Variants in MTUS1 observed in about 807,000 individuals in gnomAD.
MTUS1 encodes the protein microtubule-associated tumor suppressor 1.
MTUS1 carries 109 observed loss-of-function variants against 120.8 expected under a neutral mutation model. The observed-to-expected ratio is 0.90, with a 90% CI of 0.77 to 1.06. MTUS1 has a LOEUF of 1.06. Ranked by LOEUF, MTUS1 falls within the 50% of genes least tolerant of loss-of-function variation. The pLI, the probability that MTUS1 is intolerant of heterozygous loss-of-function variation, is 0.00. For synonymous variants in MTUS1, 737 were observed against 550.5 expected (o/e 1.34, Z -4.74); for missense variants, 2,210 against 1,486.3 (o/e 1.49, Z -8.01).
intron 6 of MTUS1, among the ~76,000 whole-genome samples, chr8:17,684,795 G>A (rs1032803245): frequency 1.3e-5 from 2 of 152,144 alleles, no homozygotes; most frequent in African/African-American, 2.4e-5. Flanking sequence ...GACACAAATG[G>A]ATTTGGCAAC....
At chr8:17,697,586 A>G in intron 6 of MTUS1, 1 of 1,335,678 alleles carries the variant, frequency 7.5e-7, no homozygotes, top group Non-Finnish European at 9.6e-7. Flanking sequence ...TTTCACTTTC[A>G]GATGTTGCCA....
At chr8:17,663,234 T>C (rs1208632460) in intron 8 of MTUS1, among the ~76,000 whole-genome samples, 2 of 152,212 alleles carry the variant, frequency 1.3e-5, no homozygotes, top group Non-Finnish European at 2.9e-5. Context: ...GAGCCATTAC[T>C]TAATTAGTCC....
intron 1 of MTUS1, among the ~76,000 whole-genome samples, chr8:17,780,372 T>G (rs2050780594): frequency 6.6e-6 from 1 of 152,200 alleles, no homozygotes; most frequent in African/African-American, 2.4e-5. Context: ...TCTTTATACA[T>G]TACCCAGCCT....
chr8:17,683,405 C>A (rs1279992726), intron 7 of MTUS1, among the ~76,000 whole-genome samples: 1 of 152,206 alleles, frequency 6.6e-6, no homozygotes, highest in Non-Finnish European at 1.5e-5. Context: ...CTGTATGAAA[C>A]CAGGACAGGT....
chr8:17,799,028 T>C (rs2052474593), intron 1 of MTUS1, among the ~76,000 whole-genome samples: 1 of 151,876 alleles, frequency 6.6e-6, no homozygotes, highest in South Asian at 2.1e-4. Context: ...TTTTTTTTTT[T>C]TCCCTTTAAG....
At chr8:17,647,400 C>A in intron 13 of MTUS1, 1 of 219,396 alleles carries the variant, frequency 4.6e-6, no homozygotes, top group Non-Finnish European at 8.9e-6. Context: ...ATAAACCCTG[C>A]AGACACACTG....
intron 1 of MTUS1, among the ~76,000 whole-genome samples, chr8:17,793,799 G>C (rs537723638): frequency 1.3e-5 from 2 of 152,104 alleles, no homozygotes; most frequent in African/African-American, 4.8e-5. Flanking sequence ...TACAACCTAC[G>C]TGACCAAACT....
chr8:17,667,863 ATTGT>A (rs1046936338), intron 8 of MTUS1, among the ~76,000 whole-genome samples: 4 of 152,262 alleles, frequency 2.6e-5, no homozygotes, highest in South Asian at 2.1e-4. Flanking sequence ...AGAGCTGAAC[ATTGT>A]TTGTTAGGGA....
chr8:17,708,041 G>C (rs776852060), intron 6 of MTUS1, among the ~76,000 whole-genome samples: 3 of 152,102 alleles, frequency 2.0e-5, no homozygotes, highest in African/African-American at 7.2e-5. Flanking sequence ...CACAACCTTG[G>C]ATTAGGCAAC....
At chr8:17,714,518 G>A (rs895345340) in intron 5 of MTUS1, among the ~76,000 whole-genome samples, 34 of 152,184 alleles carry the variant, frequency 2.2e-4, no homozygotes, top group African/African-American at 7.7e-4. Context: ...GTTCATCTCA[G>A]TATTAATAAA....
At chr8:17,756,671 A>AACCCCC (rs2048636698) in intron 1 of MTUS1, among the ~76,000 whole-genome samples, 16 of 117,530 alleles carry the variant, frequency 1.4e-4, no homozygotes, top group South Asian at 3.9e-4. Context: ...TCAAGCCCAA[A>AACCCCC]CCCCCACCCC....
At chr8:17,801,253 C>G (rs939175408), upstream of MTUS1, 1 of 151,552 alleles carries the variant, frequency 6.6e-6, no homozygotes, top group East Asian at 2.0e-4. Flanking sequence ...CCCCGGCCTC[C>G]CCGCCTCCCC....
chr8:17,717,278 C>T (rs1337039372), intron 4 of MTUS1, among the ~76,000 whole-genome samples: 1 of 152,198 alleles, frequency 6.6e-6, no homozygotes. Flanking sequence ...TCTCACCTTC[C>T]CTAGAACCTA....
chr8:17,756,487 C>G (rs143217312), intron 1 of MTUS1, among the ~76,000 whole-genome samples: 1 of 151,970 alleles, frequency 6.6e-6, no homozygotes, highest in South Asian at 2.1e-4. Context: ...CAAGAACTCA[C>G]GTTTCTCCTT....
chr8:17,722,666 C>A (rs2045928725), intron 4 of MTUS1: 1 of 536,674 alleles, frequency 1.9e-6, no homozygotes, highest in South Asian at 8.2e-5. Context: ...AAAATGCATT[C>A]TCAATTCCCT....
rs1029672484 is a variant in MTUS1 at position 17,794,394 on chromosome 8, C to T, written c.-155+6667G>A. Among the ~76,000 whole-genome samples the T allele has an allele frequency of 4.6e-5, 7 of 152,138 alleles. No homozygotes were observed. The East Asian group carries it at 1.2e-3, about 25-fold the overall frequency. Reference sequence around the variant, plus strand: ...CTAACAGCAAGGATTTTTACTCATGCTTTTTATTTATCATTTTACATGAAA... The same window carrying T: ...CTAACAGCAAGGATTTTTACTCATGTTTTTTATTTATCATTTTACATGAAA... On this transcript the variant is annotated intron_variant, in intron 1 of 14. Coordinates refer to ENST00000693296, the MANE Select transcript of MTUS1 (RefSeq NM_001363059.2).
At chr8:17,658,024 G>GACACAC (rs58132896) in intron 8 of MTUS1, among the ~76,000 whole-genome samples, 7,868 of 140,440 alleles carry the variant, frequency 0.056, 331 homozygotes, top group East Asian at 0.2. Context: ...TATATATATA[G>GACACAC]ACACACACAC....
At chr8:17,773,461 G>A (rs2050164529) in intron 1 of MTUS1, among the ~76,000 whole-genome samples, 1 of 152,126 alleles carries the variant, frequency 6.6e-6, no homozygotes, top group South Asian at 2.1e-4. Flanking sequence ...ATGTTACTAT[G>A]TTTTCTGTTG....
At chr8:17,653,012 A>T (rs1044097961) in intron 12 of MTUS1, among the ~76,000 whole-genome samples, 174 bp downstream of exon 12, 2 of 152,170 alleles carry the variant, frequency 1.3e-5, no homozygotes, top group Admixed American at 1.3e-4. Context: ...TAGGATGGTA[A>T]AACAAGACGC....
Sources: allele counts gnomAD v4.1 joint callset (sites outside exome capture counted in the v4.1 genomes callset), GRCh38; gene constraint gnomAD v4.1.1; transcripts MANE v1.5; gene names NCBI Gene and HGNC (gene_info 2026-07-23, HGNC 2026-07-21).